TCERG1L: variants seen among roughly 807,000 people sequenced by gnomAD.
TCERG1L encodes the protein transcription elongation regulator 1-like protein.
A neutral mutation model predicts 56.3 loss-of-function variants in TCERG1L; 37 were observed. The ratio of observed to expected loss-of-function variants is 0.66; its 90% CI spans 0.51 to 0.87. The LOEUF is 0.87. Among genes scored for constraint, TCERG1L ranks in the 40% least tolerant of loss-of-function variants. The pLI, the probability that TCERG1L is intolerant of heterozygous loss-of-function variation, is 0.00. For synonymous variants in TCERG1L, 324 were observed against 326.3 expected (o/e 0.99, Z 0.08); for missense variants, 799 against 774.2 (o/e 1.03, Z -0.38).
At chr10:131,246,733 G>T (rs1846043976) in intron 4 of TCERG1L, among the ~76,000 whole-genome samples, 1 of 152,122 alleles carries the variant, frequency 6.6e-6, no homozygotes, top group South Asian at 2.1e-4. Context: ...GTCCAAAGAG[G>T]AGGAATTGGG....
chr10:131,291,681 C>T (rs547848172), intron 3 of TCERG1L, among the ~76,000 whole-genome samples: 35 of 151,816 alleles, frequency 2.3e-4, no homozygotes, highest in South Asian at 1.5e-3. Context: ...CCGTCTCGGC[C>T]TCCCAAAGTG....
chr10:131,101,586 C>T (rs1170550658), intron 10 of TCERG1L, among the ~76,000 whole-genome samples: 1 of 152,210 alleles, frequency 6.6e-6, no homozygotes, highest in African/African-American at 2.4e-5. Context: ...ACGCCACACA[C>T]GCCCCAGATG....
At chr10:131,117,329 G>A (rs1845469998) in intron 8 of TCERG1L, among the ~76,000 whole-genome samples, 1 of 152,224 alleles carries the variant, frequency 6.6e-6, no homozygotes, top group Non-Finnish European at 1.5e-5. Context: ...GGTCATGGAG[G>A]GGTAAGGAGC....
chr10:131,168,956 A>T (rs753476716), intron 4 of TCERG1L, among the ~76,000 whole-genome samples: 4 of 152,222 alleles, frequency 2.6e-5, no homozygotes, highest in Non-Finnish European at 5.9e-5. Context: ...GCCTTGGGGA[A>T]GGGACTATCG....
intron 9 of TCERG1L, among the ~76,000 whole-genome samples, chr10:131,116,203 G>A (rs1158978212): frequency 1.3e-5 from 2 of 152,166 alleles, no homozygotes; most frequent in Non-Finnish European, 2.9e-5. Flanking sequence ...CGACCCCCAA[G>A]TCAAAGTGAG....
intron 4 of TCERG1L, among the ~76,000 whole-genome samples, chr10:131,219,502 G>A (rs1181710219): frequency 4.6e-5 from 7 of 152,176 alleles, no homozygotes; most frequent in Non-Finnish European, 1.0e-4. Flanking sequence ...ACATCGCTGG[G>A]CTCAATACAT....
At chr10:131,186,216 G>A (rs1845244072) in intron 4 of TCERG1L, among the ~76,000 whole-genome samples, 1 of 152,148 alleles carries the variant, frequency 6.6e-6, no homozygotes, top group African/African-American at 2.4e-5. Flanking sequence ...GGGGAAACTG[G>A]GGAGAAACTG....
At chr10:131,111,243 T>C (rs1252686951) in intron 9 of TCERG1L, among the ~76,000 whole-genome samples, 1 of 142,590 alleles carries the variant, frequency 7.0e-6, no homozygotes, top group Non-Finnish European at 1.6e-5. Context: ...AACGTGTGTC[T>C]GTCTGTCTGC....
At chr10:131,258,822 A>C (rs1219918236) in intron 4 of TCERG1L, among the ~76,000 whole-genome samples, 1 of 152,148 alleles carries the variant, frequency 6.6e-6, no homozygotes, top group Non-Finnish European at 1.5e-5. Flanking sequence ...TCACCTTATA[A>C]ATCATGTCAG....
chr10:131,285,522 AAG>A lies in TCERG1L; in HGVS notation c.670+22687_670+22688del, dbSNP rs201953189. ...AAAGAAAGAAAGAAAGAAAGAAAGA[AAG>A]AGAGAAAGAAAAGAAAAGAAAGAAA... On this transcript the variant is annotated intron_variant, in intron 3 of 11. Transcript: ENST00000368642. Among the ~76,000 whole-genome samples, 35 of 14,862 alleles carry A rather than the reference AAG, an allele frequency of 2.4e-3. 4 individuals carry two copies. The East Asian group carries it at 0.061, about 26-fold the overall frequency. 9.8% of individuals were successfully genotyped at this position (14,862 alleles called of 152,430 possible).
intron 4 of TCERG1L, among the ~76,000 whole-genome samples, chr10:131,223,329 G>C (rs1048031469): frequency 6.6e-6 from 1 of 152,196 alleles, no homozygotes; most frequent in Non-Finnish European, 1.5e-5. Context: ...AGGTGGATGG[G>C]ACCGCATGCT....
chr10:131,307,385 T>C (rs1661978209), intron 3 of TCERG1L, among the ~76,000 whole-genome samples: 1 of 152,206 alleles, frequency 6.6e-6, no homozygotes, highest in Non-Finnish European at 1.5e-5. Flanking sequence ...AAATCAGCAC[T>C]GCATTATTCA....
In TCERG1L at chr10:131,111,938, C is replaced by A. The variant is rs1360489463; in HGVS notation, c.1395+4861G>T. Among the ~76,000 whole-genome samples, 2 of 143,008 alleles carry A rather than the reference C, an allele frequency of 1.4e-5. 1 individual carries two copies. The highest frequency in any genetic ancestry group is 3.2e-5 in the Non-Finnish European group (2 of 63,422). 93.8% of individuals were successfully genotyped at this position (143,008 alleles called of 152,430 possible). A position where few individuals can be genotyped will look rare whatever the true frequency, so the allele number is the denominator to read the frequency against. ...CTTGGTCCCTAGTCATGGGCCCTGC[C>A]CCCCAGCCTCTCTTCTCAGCGCAGG... On this transcript the variant is annotated intron_variant, in intron 9 of 11. Coordinates refer to ENST00000368642, the MANE Select transcript of TCERG1L (RefSeq NM_174937.4).
chr10:131,241,023 G>T (rs1394354176), intron 4 of TCERG1L, among the ~76,000 whole-genome samples: 7 of 152,246 alleles, frequency 4.6e-5, no homozygotes, highest in African/African-American at 1.7e-4. Flanking sequence ...CTATGAGGCG[G>T]CAGTGAGAAG....
intron 4 of TCERG1L, among the ~76,000 whole-genome samples, chr10:131,199,417 C>A (rs1302656004): frequency 1.3e-5 from 2 of 152,186 alleles, no homozygotes; most frequent in Non-Finnish European, 2.9e-5. Context: ...AGATTCCTGA[C>A]AAATGTCCTA....
chr10:131,143,866 C>T (rs11017746), intron 7 of TCERG1L, among the ~76,000 whole-genome samples: 7,743 of 152,240 alleles, frequency 0.051, 292 homozygotes, highest in South Asian at 0.22. Context: ...CTGGATGCAC[C>T]GCAAGGTAAT....
intron 4 of TCERG1L, among the ~76,000 whole-genome samples, chr10:131,257,041 GAAAGAAAGAAAGA>G (rs1564827244): frequency 7.3e-5 from 10 of 137,928 alleles, no homozygotes; most frequent in African/African-American, 2.8e-4. Flanking sequence ...AAGAAAGAAA[GAAAGAAAGAAAGA>G]AAAGAAAGAA....
chr10:131,096,303 T>C (rs557389135), intron 11 of TCERG1L, among the ~76,000 whole-genome samples: 2 of 152,328 alleles, frequency 1.3e-5, no homozygotes, highest in South Asian at 4.1e-4. Flanking sequence ...GGCCACCTGG[T>C]GGGTGGACAC....
At chr10:131,167,220 A>G (rs1354106314) in intron 4 of TCERG1L, among the ~76,000 whole-genome samples, 1 of 152,140 alleles carries the variant, frequency 6.6e-6, no homozygotes. Context: ...AGCCTCTTGG[A>G]CAAGCAGGAA....
Sources: allele counts gnomAD v4.1 joint callset (sites outside exome capture counted in the v4.1 genomes callset), GRCh38; gene constraint gnomAD v4.1.1; transcripts MANE v1.5; gene names NCBI Gene and HGNC (gene_info 2026-07-23, HGNC 2026-07-21).